The following DYTN variants were observed in gnomAD, a reference collection of about 807,000 sequenced individuals.
The protein encoded by DYTN is dystrotelin.
A neutral mutation model predicts 69.6 loss-of-function variants in DYTN; 75 were observed. The observed-to-expected ratio is 1.08, with a 90% CI of 0.89 to 1.31. DYTN has a LOEUF of 1.31. DYTN is among the 50% of genes most tolerant of loss of function. DYTN has a pLI of 0.00. For synonymous variants in DYTN, 252 were observed against 249.1 expected, an observed-to-expected ratio of 1.01 and a Z score of -0.11; for missense variants, 726 against 688.4, an observed-to-expected ratio of 1.05 and a Z score of -0.61.
chr2:206,664,142 A>G (rs1166851832), intron 10 of DYTN, among the ~76,000 whole-genome samples: 1 of 152,180 alleles, frequency 6.6e-6, no homozygotes, highest in Non-Finnish European at 1.5e-5. Flanking sequence ...AGTTTTAAAA[A>G]TATGAACACA....
At chr2:206,662,808 G>A in intron 11 of DYTN, 95 bp downstream of exon 11, 1 of 1,505,230 alleles carries the variant, frequency 6.6e-7, no homozygotes, top group Non-Finnish European at 8.9e-7. Flanking sequence ...CATACTAGAT[G>A]AACTGGAGCT....
chr2:206,700,279 G>A, intron 5 of DYTN, 63 bp from the exon 6 acceptor site: 1 of 1,581,474 alleles, frequency 6.3e-7, no homozygotes, highest in Non-Finnish European at 8.7e-7. Context: ...TCCGGGAGCA[G>A]CAGGGCTGAG....
chr2:206,677,214 C>G (rs1332371030), intron 9 of DYTN, among the ~76,000 whole-genome samples: 1 of 152,182 alleles, frequency 6.6e-6, no homozygotes, highest in African/African-American at 2.4e-5. Context: ...TCCTGAAGTG[C>G]TGGGATTACA....
intron 8 of DYTN, among the ~76,000 whole-genome samples, chr2:206,693,878 A>G (rs907218071): frequency 6.6e-6 from 1 of 152,192 alleles, no homozygotes; most frequent in African/African-American, 2.4e-5. Flanking sequence ...TCTAACATCA[A>G]CAAATCCAAG....
At chr2:206,710,928 A>G (rs1574605060) in intron 1 of DYTN, among the ~76,000 whole-genome samples, 1 of 152,342 alleles carries the variant, frequency 6.6e-6, no homozygotes, top group East Asian at 1.9e-4. Flanking sequence ...GTTTGCAAAT[A>G]TATTCTAGTT....
chr2:206,716,356 G>A (rs952966883), intron 1 of DYTN, among the ~76,000 whole-genome samples: 18 of 152,040 alleles, frequency 1.2e-4, no homozygotes, highest in African/African-American at 4.1e-4. Context: ...CATGCCACAG[G>A]CCTCTCTCTG....
At chr2:206,659,162 CTCTTTTT>C (rs200106503) in intron 11 of DYTN, among the ~76,000 whole-genome samples, 11,277 of 122,702 alleles carry the variant, frequency 0.092, 501 homozygotes, top group Non-Finnish European at 0.13. Flanking sequence ...TTCTCACAGT[CTCTTTTT>C]TTTTTTTTTT....
intron 2 of DYTN, among the ~76,000 whole-genome samples, chr2:206,710,126 C>A (rs112561032): frequency 6.6e-6 from 1 of 152,068 alleles, no homozygotes; most frequent in Non-Finnish European, 1.5e-5. Context: ...GCAAATCTTA[C>A]GTGGTAGATG....
chr2:206,694,735 G>T, intron 8 of DYTN, 31 bp downstream of exon 8: 2 of 1,543,120 alleles, frequency 1.3e-6, no homozygotes. Flanking sequence ...ATTGATTAAT[G>T]AATAGTTTGG....
intron 1 of DYTN, among the ~76,000 whole-genome samples, chr2:206,714,495 TAA>T (rs1700109479): frequency 6.6e-6 from 1 of 152,136 alleles, no homozygotes; most frequent in Non-Finnish European, 1.5e-5. Flanking sequence ...AGCCACTGCG[TAA>T]AGACGGCTCT....
chr2:206,700,143 AC>A lies in DYTN; in HGVS notation c.555+1del. ...CTCCAGGGACATTTGCAAGGCACTC[AC>A]CCCTTGGAAACAGCTGCGGGTGGCA... On this transcript the variant is annotated splice_donor_variant, in intron 6 of 11. Coordinates refer to ENST00000452335, the MANE Select transcript of DYTN (RefSeq NM_001093730.1). LOFTEE classifies it high-confidence loss of function. 1 of 1,613,734 alleles carries A rather than the reference AC, an allele frequency of 6.2e-7. No individual in the cohort carries two copies. The highest frequency in any genetic ancestry group is 8.5e-7 in the Non-Finnish European group (1 of 1,179,768).
chr2:206,660,317 A>G (rs1368633263), intron 11 of DYTN, among the ~76,000 whole-genome samples: 1 of 152,186 alleles, frequency 6.6e-6, no homozygotes, highest in East Asian at 1.9e-4. Context: ...CTATGAATGA[A>G]TCTTTTAGCT....
intron 3 of DYTN, among the ~76,000 whole-genome samples, chr2:206,706,078 G>C (rs946554095): frequency 6.6e-6 from 1 of 152,156 alleles, no homozygotes; most frequent in African/African-American, 2.4e-5. Flanking sequence ...ATTTGTTCCT[G>C]CATTCACTCC....
In DYTN at chr2:206,665,968, C is replaced by T. The variant is rs775532913; in HGVS notation, c.1042G>A (p.Glu348Lys). 2.5e-6 allele frequency: 4 copies of T among 1,613,782 alleles called. No individual in the cohort carries two copies. The highest frequency in any genetic ancestry group is 1.1e-5 in the South Asian group (1 of 91,082). Residue 348 changes from glutamate (E) to lysine (K), a missense_variant, in exon 10 of 12, where the codon GAA becomes AAA. Transcript: ENST00000452335. ...GTTTCAAATCGACAAATTCTTTCTT[C>T]CTGGGAGGTGTATATAGCTTGCAAC... is the stretch of plus-strand genomic sequence containing the variant. ...DKLQAIYTSQ[E>K]ERICRFETRI...
chr2:206,708,254 C>A (rs1700046694), intron 2 of DYTN, among the ~76,000 whole-genome samples: 1 of 152,048 alleles, frequency 6.6e-6, no homozygotes, highest in African/African-American at 2.4e-5. Flanking sequence ...TAGAGCTAAC[C>A]CCATAGCTTC....
Position 206,700,165 on chromosome 2 carries a change from T to C in DYTN, c.535A>G (p.Thr179Ala), listed in dbSNP as rs201657349. 386 of 1,613,834 alleles carry C rather than the reference T, an allele frequency of 2.4e-4. 1 individual carries two copies. In the African/African-American group the frequency reaches 4.5e-3, roughly 19 times the overall value. The stretch of plus-strand genomic sequence containing the variant: ...CTCACCCCTTGGAAACAGCTGCGGG[T>C]GGCACTTTCCACAGGGCACAGAGCA... ...SRALCPVESA[T>A]RSCFQGVLSP... The change falls in exon 6 of 12, where the codon ACC (threonine) becomes GCC (alanine). Residue 179 changes from threonine to alanine, a missense_variant. By Grantham distance (58) the Thr-to-Ala change is moderately conservative (BLOSUM62 0). Coordinates refer to ENST00000452335, the MANE Select transcript of DYTN (RefSeq NM_001093730.1).
chr2:206,674,777 CA>C (rs1449389734), intron 9 of DYTN, among the ~76,000 whole-genome samples: 1 of 151,760 alleles, frequency 6.6e-6, no homozygotes, highest in Non-Finnish European at 1.5e-5. Flanking sequence ...GAAATACTTC[CA>C]ATAAGAAAAA....
At chr2:206,670,798 G>A (rs753724378) in intron 9 of DYTN, among the ~76,000 whole-genome samples, 3 of 152,102 alleles carry the variant, frequency 2.0e-5, no homozygotes, top group African/African-American at 4.8e-5. Flanking sequence ...TAGAAATAAC[G>A]TCACAATAGT....
At chr2:206,665,796 T>C in intron 10 of DYTN, 74 bp downstream of exon 10, 1 of 1,542,706 alleles carries the variant, frequency 6.5e-7, no homozygotes, top group Non-Finnish European at 8.8e-7. Flanking sequence ...GGTGGGAAGC[T>C]CCTCCCTTGG....
Sources: gnomAD v4.1 joint callset for allele counts (sites outside exome capture counted in the v4.1 genomes callset) on GRCh38, gnomAD v4.1.1 for gene constraint, MANE v1.5 for transcripts, NCBI Gene and HGNC (gene_info 2026-07-23, HGNC 2026-07-21) for gene names.